NFU1: variants seen among roughly 807,000 people sequenced by gnomAD.
NFU1 encodes the protein NFU1 iron-sulfur cluster scaffold homolog, mitochondrial.
A neutral mutation model predicts 32.2 loss-of-function variants in NFU1; 30 were observed. The observed-to-expected ratio is 0.93, with a 90% CI of 0.70 to 1.26. The LOEUF (loss-of-function observed/expected upper bound fraction) is 1.26. Among genes scored for constraint, NFU1 ranks in the 50% most tolerant of loss-of-function variants. The pLI, the probability that NFU1 is intolerant of heterozygous loss-of-function variation, is 0.00. For missense variants in NFU1, 306 were observed against 306.6 expected (o/e 1.00, Z 0.02); for synonymous variants, 112 against 104.6 (o/e 1.07, Z -0.43).
At chr2:69,401,809 C>A (rs1672530104) in intron 6 of NFU1, among the ~76,000 whole-genome samples, 1 of 152,006 alleles carries the variant, frequency 6.6e-6, no homozygotes, top group Non-Finnish European at 1.5e-5. Context: ...TGGATTTGTA[C>A]AAATATTTAA....
rs758125935 is a variant in NFU1 at position 69,429,553 on chromosome 2, T to C, written c.166+2349A>G. 7.2e-5 allele frequency among the ~76,000 whole-genome samples: 11 copies of C among 152,152 alleles called. No homozygotes were observed. The South Asian group carries it at 2.3e-3, about 32-fold the overall frequency. On this transcript the variant is annotated intron_variant, in intron 2 of 7. Coordinates refer to ENST00000410022, the MANE Select transcript of NFU1 (RefSeq NM_001002755.4). ...CTGGCTTTATTCTACTCAATCAATT[T>C]GAGAAAAACTACACCTGCAGAAAGC...
chr2:69,396,597 G>A (rs891347146), intron 7 of NFU1, among the ~76,000 whole-genome samples: 3 of 151,854 alleles, frequency 2.0e-5, no homozygotes, highest in Non-Finnish European at 4.4e-5. Flanking sequence ...AGCTTGCAGT[G>A]AGCCGAGATC....
At chr2:69,405,269 T>C (rs1169208365) in intron 6 of NFU1, among the ~76,000 whole-genome samples, 3 of 152,272 alleles carry the variant, frequency 2.0e-5, no homozygotes, top group Non-Finnish European at 4.4e-5. Flanking sequence ...GGCTTACTTT[T>C]CTTAACTTCC....
upstream of NFU1, chr2:69,437,621 C>G (rs568524887): frequency 1.5e-6 from 1 of 684,490 alleles, no homozygotes; most frequent in Admixed American, 2.3e-5. Flanking sequence ...GGCCGGGGAA[C>G]CTTTCCCGTT....
chr2:69,396,990 T>G (rs1255620000), intron 7 of NFU1, among the ~76,000 whole-genome samples: 1 of 150,996 alleles, frequency 6.6e-6, no homozygotes, highest in African/African-American at 2.4e-5. Context: ...GAGAATGGCA[T>G]GAACTGGGGA....
At chr2:69,399,408 ATGT>A in intron 7 of NFU1, 1 of 455,404 alleles carries the variant, frequency 2.2e-6, no homozygotes, top group Non-Finnish European at 4.4e-6. Flanking sequence ...AAAAAAAAAA[ATGT>A]TGATATTGTG....
At chr2:69,414,957 CATG>C (rs1427102857) in intron 5 of NFU1, among the ~76,000 whole-genome samples, 2 of 152,016 alleles carry the variant, frequency 1.3e-5, no homozygotes, top group African/African-American at 4.8e-5. Flanking sequence ...AATTGGTGAG[CATG>C]ATATTTTCTG....
chr2:69,423,473 A>T, intron 3 of NFU1, 109 bp downstream of exon 3: 1 of 1,000,922 alleles, frequency 1.0e-6, no homozygotes, highest in Non-Finnish European at 1.5e-6. Flanking sequence ...ACACTTAAAA[A>T]AAAATGCAGT....
At chr2:69,427,241 C>T (rs962746959) in intron 2 of NFU1, among the ~76,000 whole-genome samples, 2 of 150,684 alleles carry the variant, frequency 1.3e-5, no homozygotes, top group Non-Finnish European at 3.0e-5. Flanking sequence ...CAAAATTAAC[C>T]GGGCGTGGTG....
intron 2 of NFU1, among the ~76,000 whole-genome samples, chr2:69,425,111 C>G (rs867177018): frequency 6.6e-6 from 1 of 151,922 alleles, no homozygotes; most frequent in African/African-American, 2.4e-5. Flanking sequence ...ATCTCCTGAC[C>G]TCATGATCTG....
intron 6 of NFU1, among the ~76,000 whole-genome samples, chr2:69,402,532 T>C (rs895805292): frequency 1.3e-5 from 2 of 152,320 alleles, no homozygotes; most frequent in South Asian, 2.1e-4. Context: ...ACAATTTTAC[T>C]GTAGTCCAAT....
At chr2:69,437,555 G>A, upstream of NFU1, 1 of 1,116,186 alleles carries the variant, frequency 9.0e-7, no homozygotes. Context: ...CTGCGGATAA[G>A]TGCGGTGGCC....
chr2:69,424,198 AATAT>A (rs1177261342), intron 2 of NFU1, among the ~76,000 whole-genome samples: 4,175 of 74,462 alleles, frequency 0.056, 237 homozygotes, highest in Non-Finnish European at 0.078. Context: ...AAAAAAAAAA[AATAT>A]ATATATATAT....
intron 2 of NFU1, among the ~76,000 whole-genome samples, chr2:69,430,249 G>A (rs1450907947): frequency 4.0e-5 from 6 of 149,920 alleles, no homozygotes; most frequent in Non-Finnish European, 1.5e-5. Flanking sequence ...GTCTCACTCT[G>A]CTGCCCAGGC....
At chr2:69,398,956 A>C (rs1356411948) in intron 7 of NFU1, among the ~76,000 whole-genome samples, 1 of 152,166 alleles carries the variant, frequency 6.6e-6, no homozygotes, top group Non-Finnish European at 1.5e-5. Flanking sequence ...TCATGCCTGT[A>C]ATCCTAGCAC....
In NFU1 at chr2:69,406,250, A is replaced by T. The variant is rs6546513; in HGVS notation, c.485-168T>A. 0.67 allele frequency among the ~76,000 whole-genome samples: 101,446 copies of T among 152,092 alleles called. 35,492 individuals carry two copies. The highest frequency in any genetic ancestry group is 0.9 in the African/African-American group (37,204 of 41,530). ...ATATTTTGGGAAATTGATGACAGAA[A>T]CATTCATTTGATTATCTGAAGAAAA... On this transcript the variant is annotated intron_variant, in intron 5 of 7. Transcript: ENST00000410022.
intron 6 of NFU1, 51 bp downstream of exon 6, chr2:69,405,971 T>C: frequency 8.5e-7 from 1 of 1,170,152 alleles, no homozygotes; most frequent in Non-Finnish European, 1.3e-6. Flanking sequence ...ATTGCTATAA[T>C]GAAAAATGCC....
intron 1 of NFU1, among the ~76,000 whole-genome samples, chr2:69,434,878 C>T (rs893990569): frequency 6.6e-6 from 1 of 152,134 alleles, no homozygotes; most frequent in East Asian, 1.9e-4. Flanking sequence ...GGCCAGGGAA[C>T]GGGTGTTGCT....
chr2:69,401,090 A>G (rs1672508153), intron 6 of NFU1, among the ~76,000 whole-genome samples: 1 of 152,216 alleles, frequency 6.6e-6, no homozygotes. Flanking sequence ...TGCTGGCTTC[A>G]TTTTCAGGTA....
Sources: allele counts gnomAD v4.1 joint callset (sites outside exome capture counted in the v4.1 genomes callset), GRCh38; gene constraint gnomAD v4.1.1; transcripts MANE v1.5; gene names NCBI Gene and HGNC (gene_info 2026-07-23, HGNC 2026-07-21).